Variants in WDPCP observed in about 807,000 individuals in gnomAD.
WDPCP encodes WD repeat containing planar cell polarity effector.
A neutral mutation model predicts 93.1 loss-of-function variants in WDPCP; 71 were observed. The observed-to-expected ratio is 0.76, with a 90% CI of 0.63 to 0.93. The LOEUF (loss-of-function observed/expected upper bound fraction) is 0.93, where lower values mean the gene tolerates loss of function less well. Among genes scored for constraint, WDPCP ranks in the 40% least tolerant of loss-of-function variants. WDPCP has a pLI of 0.00. For synonymous variants in WDPCP, 315 were observed against 315.0 expected, an observed-to-expected ratio of 1.00 and a Z score of 0.00; for missense variants, 844 against 887.4, an observed-to-expected ratio of 0.95 and a Z score of 0.62.
At chr2:63,794,574 C>T (rs564281341) in intron 2 of WDPCP, among the ~76,000 whole-genome samples, 2 of 152,284 alleles carry the variant, frequency 1.3e-5, no homozygotes, top group African/African-American at 4.8e-5. Flanking sequence ...CCTATGACCA[C>T]TAGGAAACCA....
intron 12 of WDPCP, among the ~76,000 whole-genome samples, chr2:63,315,918 T>A (rs1017718616): frequency 1.3e-5 from 2 of 149,770 alleles, no homozygotes; most frequent in South Asian, 2.1e-4. Context: ...ATGTGCCACG[T>A]TCTGGGGTAA....
chr2:63,245,480 C>T (rs1017155294), intron 14 of WDPCP, among the ~76,000 whole-genome samples: 1 of 152,140 alleles, frequency 6.6e-6, no homozygotes, highest in Non-Finnish European at 1.5e-5. Context: ...GGTGTTGGAA[C>T]AACCACTATA....
At chr2:63,571,738 C>T in intron 1 of WDPCP, 1 of 418,448 alleles carries the variant, frequency 2.4e-6, no homozygotes, top group East Asian at 7.1e-5. Context: ...ACAAGACCAT[C>T]AGGTGAAAGA....
intron 12 of WDPCP, chr2:63,359,782 T>A (rs1329796259): frequency 2.0e-5 from 3 of 152,176 alleles, no homozygotes; most frequent in African/African-American, 7.2e-5. Flanking sequence ...CCATGATTTT[T>A]AAAAATTGTA....
chr2:63,401,107 A>G lies in WDPCP; in HGVS notation c.1435+2941T>C, dbSNP rs186550912. On this transcript the variant is annotated intron_variant, in intron 10 of 17. Transcript: ENST00000272321. ...TGAGCAAAGACTTCATGACGAAAAA[A>G]CCAAAAGCAATTGCAACAGAAGCCA... 1.1e-4 allele frequency among the ~76,000 whole-genome samples: 16 copies of G among 152,236 alleles called. No homozygotes were observed. The East Asian group carries it at 2.7e-3, about 26-fold the overall frequency.
intron 6 of WDPCP, among the ~76,000 whole-genome samples, chr2:63,457,823 G>T (rs551979235): frequency 3.7e-4 from 57 of 152,208 alleles, no homozygotes; most frequent in Non-Finnish European, 7.5e-4. Flanking sequence ...ATAAGGAAAG[G>T]TTGAAAGCTT....
chr2:63,401,437 C>T (rs1412256755), intron 10 of WDPCP, among the ~76,000 whole-genome samples: 1 of 152,080 alleles, frequency 6.6e-6, no homozygotes, highest in Non-Finnish European at 1.5e-5. Context: ...AAATCAAAAC[C>T]ACAATGAGAT....
intron 6 of WDPCP, among the ~76,000 whole-genome samples, chr2:63,447,429 C>A (rs531802965): frequency 6.6e-6 from 1 of 152,174 alleles, no homozygotes; most frequent in East Asian, 1.9e-4. Flanking sequence ...CTTAAAATAT[C>A]TGGCCACAAA....
intron 6 of WDPCP, among the ~76,000 whole-genome samples, chr2:63,453,709 G>T (rs1698423628): frequency 6.6e-6 from 1 of 152,038 alleles, no homozygotes; most frequent in African/African-American, 2.4e-5. Context: ...GTCCAACAAT[G>T]ACATACTGGA....
chr2:63,483,524 C>T (rs534098258), intron 6 of WDPCP, among the ~76,000 whole-genome samples: 11 of 151,316 alleles, frequency 7.3e-5, no homozygotes, highest in Non-Finnish European at 1.6e-4. Flanking sequence ...GTAGACTAGA[C>T]AAAAAAATGA....
intron 2 of WDPCP, among the ~76,000 whole-genome samples, chr2:63,800,482 A>AT (rs1414861511): frequency 6.6e-6 from 1 of 152,176 alleles, no homozygotes; most frequent in Non-Finnish European, 1.5e-5. Flanking sequence ...GGAGAGTTGT[A>AT]TTTTTTTCTA....
At chr2:63,239,201 T>G (rs550794252) in intron 14 of WDPCP, among the ~76,000 whole-genome samples, 1 of 152,350 alleles carries the variant, frequency 6.6e-6, no homozygotes, top group South Asian at 2.1e-4. Context: ...ATTATTTCTA[T>G]GAAAGTAGGG....
intron 6 of WDPCP, among the ~76,000 whole-genome samples, chr2:63,482,615 T>C (rs1700334895): frequency 6.6e-6 from 1 of 152,096 alleles, no homozygotes; most frequent in South Asian, 2.1e-4. Flanking sequence ...TACATAGATT[T>C]TTAGAAGAAC....
At chr2:63,684,866 T>G (rs941691368) in intron 2 of WDPCP, among the ~76,000 whole-genome samples, 2 of 152,172 alleles carry the variant, frequency 1.3e-5, no homozygotes, top group African/African-American at 4.8e-5. Flanking sequence ...AATGTGCTCC[T>G]GAATAACCAG....
intron 2 of WDPCP, among the ~76,000 whole-genome samples, chr2:63,736,976 T>C (rs1558898536): frequency 6.6e-6 from 1 of 152,054 alleles, no homozygotes; most frequent in African/African-American, 2.4e-5. Flanking sequence ...AACCATATAT[T>C]ACCTTATAGA....
At chr2:63,389,057 A>G (rs746037714) in intron 10 of WDPCP, among the ~76,000 whole-genome samples, 8 of 152,180 alleles carry the variant, frequency 5.3e-5, no homozygotes, top group Non-Finnish European at 4.4e-5. Flanking sequence ...CACACCACAA[A>G]GATACTCCTC....
intron 2 of WDPCP, among the ~76,000 whole-genome samples, chr2:63,663,430 AC>A (rs1252346997): frequency 6.6e-6 from 1 of 152,238 alleles, no homozygotes; most frequent in Non-Finnish European, 1.5e-5. Flanking sequence ...CTGGAAGGAA[AC>A]ATCAGAGAGG....
At chr2:63,654,843 T>TG (rs1710147563) in intron 2 of WDPCP, among the ~76,000 whole-genome samples, 1 of 151,818 alleles carries the variant, frequency 6.6e-6, no homozygotes, top group East Asian at 1.9e-4. Context: ...TTTATTTTTT[T>TG]TTAATTTTCA....
intron 2 of WDPCP, among the ~76,000 whole-genome samples, chr2:63,722,512 G>A (rs1341142871): frequency 6.7e-6 from 1 of 148,798 alleles, no homozygotes; most frequent in Non-Finnish European, 1.5e-5. Flanking sequence ...CGTCTGGGAA[G>A]TGAGGAGCGT....
Sources: allele counts gnomAD v4.1 joint callset (sites outside exome capture counted in the v4.1 genomes callset), GRCh38; gene constraint gnomAD v4.1.1; transcripts MANE v1.5; gene names NCBI Gene and HGNC (gene_info 2026-07-23, HGNC 2026-07-21).